ALKBH8: variants seen among roughly 807,000 people sequenced by gnomAD.
ALKBH8 encodes alkB homolog 8, tRNA methyltransferase.
A neutral mutation model predicts 59.8 loss-of-function variants in ALKBH8; 36 were observed. The observed-to-expected ratio is 0.60, with a 90% CI of 0.46 to 0.79. The LOEUF (loss-of-function observed/expected upper bound fraction) is 0.79, where lower values mean the gene tolerates loss of function less well. Ranked by LOEUF, ALKBH8 falls within the 30% of genes least tolerant of loss-of-function variation. The pLI, the probability that ALKBH8 is intolerant of heterozygous loss-of-function variation, is 0.00. For synonymous variants in ALKBH8, 276 were observed against 273.6 expected, an observed-to-expected ratio of 1.01 and a Z score of -0.09; for missense variants, 768 against 801.0, an observed-to-expected ratio of 0.96 and a Z score of 0.50.
At chr11:107,521,550 C>T (rs562381970) in intron 10 of ALKBH8, among the ~76,000 whole-genome samples, 1 of 152,032 alleles carries the variant, frequency 6.6e-6, no homozygotes. Context: ...CCTAAATCCC[C>T]TAATCTAGAG....
intron 7 of ALKBH8, among the ~76,000 whole-genome samples, chr11:107,541,298 T>C (rs1002039715): frequency 1.3e-5 from 2 of 152,174 alleles, no homozygotes; most frequent in African/African-American, 2.4e-5. Flanking sequence ...AAGTATTACA[T>C]GTCAACTTCA....
At chr11:107,543,409 G>A (rs556228245) in intron 7 of ALKBH8, among the ~76,000 whole-genome samples, 1 of 152,256 alleles carries the variant, frequency 6.6e-6, no homozygotes, top group South Asian at 2.1e-4. Flanking sequence ...AGGTATTTCT[G>A]TATCCCCTAG....
chr11:107,503,652 T>C lies in ALKBH8; in HGVS notation c.*1006A>G, dbSNP rs772281802. 11 of 146,112 alleles carry C rather than the reference T, an allele frequency of 7.5e-5. No individual in the cohort carries two copies. The highest frequency in any genetic ancestry group is 7.4e-5 in the Non-Finnish European group (5 of 67,910). The allele number at this position is 146,112 out of a possible 1,614,324, so 9.1% of individuals were successfully genotyped here. ...TAAAAATAACCCGATTGAACCTGGA[T>C]TGGGACAAACTATGAATCAACTAGA... On this transcript the variant is annotated 3_prime_UTR_variant, in exon 12 of 12. Coordinates refer to ENST00000428149, the MANE Select transcript of ALKBH8 (RefSeq NM_138775.3).
chr11:107,565,444 A>G, intron 1 of ALKBH8, 157 bp downstream of exon 1: 2 of 960,346 alleles, frequency 2.1e-6, no homozygotes, highest in Non-Finnish European at 3.1e-6. Context: ...CAGACACCCT[A>G]CTGCCCACAC....
chr11:107,534,757 C>T (rs1216668805), intron 7 of ALKBH8, among the ~76,000 whole-genome samples: 1 of 147,892 alleles, frequency 6.8e-6, no homozygotes, highest in Admixed American at 6.7e-5. Context: ...CATTCCTCAT[C>T]TTTTTTTTTT....
At chr11:107,545,886 C>T (rs604395) in intron 7 of ALKBH8, among the ~76,000 whole-genome samples, 76,415 of 152,030 alleles carry the variant, frequency 0.5, 19,882 homozygotes, top group Non-Finnish European at 0.56. Context: ...CATTAAACAT[C>T]TGAAAATCTG....
chr11:107,544,938 A>G (rs1864188832), intron 7 of ALKBH8, among the ~76,000 whole-genome samples: 1 of 152,028 alleles, frequency 6.6e-6, no homozygotes, highest in African/African-American at 2.4e-5. Context: ...GAGACAGAGT[A>G]AAAAAATCAT....
intron 11 of ALKBH8, among the ~76,000 whole-genome samples, chr11:107,508,656 T>C (rs1478663906): frequency 1.3e-5 from 2 of 152,192 alleles, no homozygotes; most frequent in African/African-American, 2.4e-5. Flanking sequence ...AATTAAATCA[T>C]AGCAACTCCC....
At chr11:107,525,006 G>A (rs989999686) in intron 9 of ALKBH8, among the ~76,000 whole-genome samples, 3 of 152,062 alleles carry the variant, frequency 2.0e-5, no homozygotes, top group African/African-American at 4.8e-5. Flanking sequence ...ATAAACTGTC[G>A]CTTATCTCCC....
rs538643178 is a variant in ALKBH8 at position 107,503,905 on chromosome 11, C to T, written c.*753G>A. 41 of 152,142 alleles carry T rather than the reference C, an allele frequency of 2.7e-4. No homozygotes were observed. Among genetic ancestry groups the T allele is most frequent in the African/African-American group, 8.2e-4 (34 of 41,510 alleles). 9.4% of individuals were successfully genotyped at this position (152,142 alleles called of 1,614,324 possible). A position where few individuals can be genotyped will look rare whatever the true frequency, so the allele number is the denominator to read the frequency against. On this transcript the variant is annotated 3_prime_UTR_variant, in exon 12 of 12. Coordinates refer to ENST00000428149, the MANE Select transcript of ALKBH8 (RefSeq NM_138775.3). ...AGTAATCTTTTGCTCCAAGGTGAAT[C>T]GTCTCTCATTTTATGTTTTTCATGG...
At position 107,551,907 on chromosome 11, in the gene ALKBH8, G is replaced by T; in HGVS notation, c.601C>A (p.Pro201Thr). The T allele has an allele frequency of 6.7e-7, 1 of 1,500,558 alleles. No individual in the cohort carries two copies. The highest frequency in any genetic ancestry group is 1.4e-5 in the South Asian group (1 of 72,274). The allele number at this position is 1,500,558 out of a possible 1,614,324, so 93.0% of individuals were successfully genotyped here. ...DKDKPLSGGLPDICESFLEKW... is the reference protein window; with the variant it reads ...DKDKPLSGGLTDICESFLEKW... Reference sequence around the variant, plus strand: ...TCCAAAAAGCTTTCACAAATGTCAGGAAGACCTACAATGAGTAATCATAAA... The same window carrying T: ...TCCAAAAAGCTTTCACAAATGTCAGTAAGACCTACAATGAGTAATCATAAA... Residue 201 changes from proline (P) to threonine (T), a missense_variant, in exon 6 of 12, where the codon CCT becomes ACT. Physicochemically the swap from Pro to Thr is conservative, Grantham distance 38. Coordinates refer to ENST00000428149, the MANE Select transcript of ALKBH8 (RefSeq NM_138775.3).
At chr11:107,527,708 CTTGTA>C (rs1863412126) in intron 8 of ALKBH8, among the ~76,000 whole-genome samples, 1 of 151,928 alleles carries the variant, frequency 6.6e-6, no homozygotes, top group African/African-American at 2.4e-5. Flanking sequence ...AGTTCTGGAA[CTTGTA>C]TTGTAGATTC....
At chr11:107,565,570 C>A in intron 1 of ALKBH8, 31 bp downstream of exon 1, 1 of 1,535,590 alleles carries the variant, frequency 6.5e-7, no homozygotes, top group African/African-American at 1.4e-5. Context: ...ATTTGCTGCC[C>A]GTATGCCCGC....
chr11:107,544,196 T>C (rs925775098), intron 7 of ALKBH8, among the ~76,000 whole-genome samples: 1 of 152,240 alleles, frequency 6.6e-6, no homozygotes, highest in Non-Finnish European at 1.5e-5. Flanking sequence ...CACATAGTTC[T>C]AACTGAAAAG....
chr11:107,553,709 TG>T (rs1285718253), intron 4 of ALKBH8, 137 bp downstream of exon 4: 18 of 840,480 alleles, frequency 2.1e-5, no homozygotes, highest in Non-Finnish European at 3.1e-5. Flanking sequence ...TAAGAATTGT[TG>T]GTATGACTTG....
At chr11:107,557,607 G>A (rs1864771374) in intron 2 of ALKBH8, among the ~76,000 whole-genome samples, 1 of 152,064 alleles carries the variant, frequency 6.6e-6, no homozygotes, top group Non-Finnish European at 1.5e-5. Flanking sequence ...TTACCTCAAA[G>A]AAAAACCAAT....
At chr11:107,505,253 G>T in intron 11 of ALKBH8, 38 bp from the exon 12 acceptor site, 2 of 1,452,116 alleles carry the variant, frequency 1.4e-6, no homozygotes, top group Non-Finnish European at 9.1e-7. Flanking sequence ...CAACCTGGAA[G>T]AGACAGGAAA....
chr11:107,503,336 T>C lies in ALKBH8; in HGVS notation c.*1322A>G, dbSNP rs186025883. ...TCATCTGAGACCCATTATTGATCAC[T>C]ATAGGTTTCTGAAAACTTGATGCTT... On this transcript the variant is annotated 3_prime_UTR_variant, in exon 12 of 12. Transcript: ENST00000428149. 7.7e-4 allele frequency: 118 copies of C among 152,314 alleles called. 1 individual carries two copies. Among genetic ancestry groups the C allele is most frequent in the African/African-American group, 2.7e-3 (111 of 41,574 alleles). The allele number at this position is 152,314 out of a possible 1,614,324, so 9.4% of individuals were successfully genotyped here.
intron 2 of ALKBH8, 132 bp from the exon 3 acceptor site, chr11:107,557,135 T>C: frequency 1.6e-6 from 1 of 645,026 alleles, no homozygotes; most frequent in African/African-American, 1.9e-5. Context: ...TAGTGGTTGT[T>C]TGGTTTGCTA....
Sources: gnomAD v4.1 joint callset for allele counts (sites outside exome capture counted in the v4.1 genomes callset) on GRCh38, gnomAD v4.1.1 for gene constraint, MANE v1.5 for transcripts, NCBI Gene and HGNC (gene_info 2026-07-23, HGNC 2026-07-21) for gene names.